Variants in SGCZ observed in about 807,000 individuals in gnomAD.
The protein encoded by SGCZ is zeta-sarcoglycan.
Under a neutral mutation model 41.3 loss-of-function variants are expected in SGCZ, and 40 were observed. The observed-to-expected ratio is 0.97, with a 90% CI of 0.75 to 1.26. The LOEUF is 1.26. Among genes scored for constraint, SGCZ ranks in the 50% most tolerant of loss-of-function variants. SGCZ has a pLI of 0.00. For synonymous variants in SGCZ, 206 were observed against 137.5 expected (o/e 1.50, Z -3.49); for missense variants, 552 against 369.8 (o/e 1.49, Z -4.04).
intron 1 of SGCZ, among the ~76,000 whole-genome samples, chr8:14,569,314 T>C (rs1804478460): frequency 6.6e-6 from 1 of 152,168 alleles, no homozygotes; most frequent in African/African-American, 2.4e-5. Flanking sequence ...AGCTCCATTA[T>C]TTTTTATTTC....
At chr8:14,740,846 A>C (rs2130277951) in intron 1 of SGCZ, among the ~76,000 whole-genome samples, 1 of 152,182 alleles carries the variant, frequency 6.6e-6, no homozygotes, top group East Asian at 1.9e-4. Context: ...GCAAACACCA[A>C]GTCAGGAATC....
chr8:14,601,200 GCTAATT>G (rs564011017), intron 1 of SGCZ, among the ~76,000 whole-genome samples: 202 of 151,890 alleles, frequency 1.3e-3, no homozygotes, highest in African/African-American at 4.8e-3. Flanking sequence ...TCATTTCACT[GCTAATT>G]CTATTGGTGA....
intron 1 of SGCZ, among the ~76,000 whole-genome samples, chr8:14,826,890 T>C (rs1395918949): frequency 6.6e-6 from 1 of 152,196 alleles, no homozygotes; most frequent in Middle Eastern, 3.2e-3. Flanking sequence ...AGGCTGCCTG[T>C]TCACTCTGAC....
At chr8:14,447,705 G>C (rs558898568) in intron 2 of SGCZ, among the ~76,000 whole-genome samples, 4 of 152,140 alleles carry the variant, frequency 2.6e-5, no homozygotes, top group Non-Finnish European at 5.9e-5. Context: ...TTAAATGACA[G>C]TATTTGGTAC....
At chr8:14,528,833 A>ACAAAC (rs1554532880) in intron 2 of SGCZ, among the ~76,000 whole-genome samples, 8 of 96,978 alleles carry the variant, frequency 8.2e-5, no homozygotes, top group African/African-American at 3.1e-4. Flanking sequence ...CAGCCAAAAA[A>ACAAAC]AAAACAAAAC....
intron 1 of SGCZ, among the ~76,000 whole-genome samples, chr8:14,965,291 T>A (rs1225579161): frequency 6.6e-6 from 1 of 152,126 alleles, no homozygotes; most frequent in Non-Finnish European, 1.5e-5. Context: ...GGTGCGATGT[T>A]TAACCTCCAG....
At position 14,328,531 on chromosome 8, in the gene SGCZ, A is replaced by C. The variant is rs548459514; in HGVS notation, c.235-4327T>G. Among the ~76,000 whole-genome samples the C allele has an allele frequency of 1.5e-4, 23 of 152,302 alleles. No individual in the cohort carries two copies. In the South Asian group the frequency reaches 4.6e-3, roughly 30 times the overall value. ...ATTACATGAGGATGTAGAAAGCTTAAAATAGTGCCTAATTTATGTCAAACT... is the reference window on the plus strand; with the variant it reads ...ATTACATGAGGATGTAGAAAGCTTACAATAGTGCCTAATTTATGTCAAACT... On this transcript the variant is annotated intron_variant, in intron 2 of 7. Transcript: ENST00000382080.
At chr8:14,593,184 C>G (rs536691607) in intron 1 of SGCZ, among the ~76,000 whole-genome samples, 2 of 152,236 alleles carry the variant, frequency 1.3e-5, no homozygotes, top group South Asian at 4.1e-4. Flanking sequence ...AATTAGATAT[C>G]TTGATAGAGT....
chr8:14,964,655 G>T (rs534933748), intron 1 of SGCZ, among the ~76,000 whole-genome samples: 1 of 152,108 alleles, frequency 6.6e-6, no homozygotes, highest in African/African-American at 2.4e-5. Flanking sequence ...TGAAACAAGC[G>T]TTATGGTTCT....
intron 1 of SGCZ, among the ~76,000 whole-genome samples, chr8:14,814,076 T>C (rs1374277164): frequency 6.6e-6 from 1 of 152,208 alleles, no homozygotes; most frequent in African/African-American, 2.4e-5. Context: ...TCTTTTATGA[T>C]GTGCCTGTTA....
chr8:15,032,701 A>T (rs1803719684), intron 1 of SGCZ, among the ~76,000 whole-genome samples: 1 of 151,964 alleles, frequency 6.6e-6, no homozygotes, highest in South Asian at 2.1e-4. Context: ...AGAGATTCAG[A>T]TGCCTGGCCA....
intron 3 of SGCZ, among the ~76,000 whole-genome samples, chr8:14,246,804 G>A (rs571501216): frequency 6.6e-6 from 1 of 150,732 alleles, no homozygotes; most frequent in Non-Finnish European, 1.5e-5. Context: ...CAGCTACTCG[G>A]GAGGCTGAGG....
At chr8:15,024,408 C>G (rs1412167596) in intron 1 of SGCZ, among the ~76,000 whole-genome samples, 1 of 152,086 alleles carries the variant, frequency 6.6e-6, no homozygotes, top group Non-Finnish European at 1.5e-5. Flanking sequence ...AGAGTTGTGC[C>G]TGGCATTTAC....
At chr8:14,242,493 A>T (rs1049240022) in intron 3 of SGCZ, among the ~76,000 whole-genome samples, 1 of 152,156 alleles carries the variant, frequency 6.6e-6, no homozygotes, top group African/African-American at 2.4e-5. Context: ...TTTCTGCATC[A>T]TAGTCTCTTC....
chr8:15,097,743 T>C, intron 1 of SGCZ, among the ~76,000 whole-genome samples: 1 of 114,522 alleles, frequency 8.7e-6, no homozygotes, highest in South Asian at 3.1e-4. Flanking sequence ...AAAATATATA[T>C]ATATATACAC....
intron 1 of SGCZ, among the ~76,000 whole-genome samples, chr8:14,586,277 G>A (rs1303412069): frequency 6.6e-6 from 1 of 151,976 alleles, no homozygotes; most frequent in Non-Finnish European, 1.5e-5. Flanking sequence ...GTAGTGGCCC[G>A]ATCTCTGTTG....
intron 1 of SGCZ, among the ~76,000 whole-genome samples, chr8:15,057,054 G>A (rs548427777): frequency 5.9e-5 from 9 of 152,294 alleles, no homozygotes; most frequent in East Asian, 5.8e-4. Flanking sequence ...TGTGTGGGCC[G>A]CAGTGCCCTT....
At chr8:14,267,500 A>T (rs546263050) in intron 3 of SGCZ, among the ~76,000 whole-genome samples, 21 of 152,206 alleles carry the variant, frequency 1.4e-4, no homozygotes, top group Admixed American at 1.1e-3. Context: ...GGCTATAGAC[A>T]TCATTTTTAT....
At chr8:14,373,410 T>A (rs963527948) in intron 2 of SGCZ, among the ~76,000 whole-genome samples, 6 of 152,178 alleles carry the variant, frequency 3.9e-5, no homozygotes, top group Non-Finnish European at 1.5e-5. Flanking sequence ...GTGATAATCA[T>A]TTGTGACTAC....
Sources: gnomAD v4.1 joint callset for allele counts (sites outside exome capture counted in the v4.1 genomes callset) on GRCh38, gnomAD v4.1.1 for gene constraint, MANE v1.5 for transcripts, NCBI Gene and HGNC (gene_info 2026-07-23, HGNC 2026-07-21) for gene names.